The following ITPR2 variants were observed in gnomAD, a reference collection of about 807,000 sequenced individuals.
ITPR2 encodes the protein inositol 1,4,5-trisphosphate receptor type 2, also known as inositol 1,4,5-trisphosphate-gated calcium channel ITPR2.
Under a neutral mutation model 317.1 loss-of-function variants are expected in ITPR2, and 207 were observed. The ratio of observed to expected loss-of-function variants is 0.65; its 90% CI spans 0.58 to 0.73. The LOEUF is 0.73. ITPR2 is among the 30% of genes least tolerant of loss of function. The pLI is 0.00. For synonymous variants in ITPR2, 1,156 were observed against 1,149.1 expected, an observed-to-expected ratio of 1.01 and a Z score of -0.12; for missense variants, 2,613 against 3,284.0, an observed-to-expected ratio of 0.80 and a Z score of 4.99.
At chr12:26,353,112 A>G (rs929655624) in intron 55 of ITPR2, among the ~76,000 whole-genome samples, 6 of 152,210 alleles carry the variant, frequency 3.9e-5, no homozygotes, top group African/African-American at 7.2e-5. Context: ...GAACCAGGAC[A>G]ATGAAGGTCT....
At chr12:26,764,976 C>T (rs967344528) in intron 2 of ITPR2, among the ~76,000 whole-genome samples, 4 of 152,062 alleles carry the variant, frequency 2.6e-5, no homozygotes, top group African/African-American at 7.2e-5. Flanking sequence ...TTTTTACCCA[C>T]ATTTGGGCTA....
intron 1 of ITPR2, among the ~76,000 whole-genome samples, chr12:26,826,805 G>A (rs1221326293): frequency 6.6e-6 from 1 of 152,052 alleles, no homozygotes; most frequent in East Asian, 1.9e-4. Context: ...CAACCATGCC[G>A]AGAACAGCCA....
Position 26,602,363 on chromosome 12 carries a change from G to A in ITPR2, c.3678+7C>T, listed in dbSNP as rs751204130. 20 of 1,608,728 alleles carry A rather than the reference G, an allele frequency of 1.2e-5. No individual in the cohort carries two copies. In the East Asian group the frequency reaches 4.2e-4, roughly 34 times the overall value. On this transcript the variant is annotated splice_region_variant and intron_variant, in intron 28 of 56. Coordinates refer to ENST00000381340, the MANE Select transcript of ITPR2 (RefSeq NM_002223.4). ...AAGCTAAAGAACAAAAAATAACCAG[G>A]ACTAACCTTTTCATAGGGTATCTGC...
chr12:26,684,393 A>C (rs1211847785), intron 11 of ITPR2, among the ~76,000 whole-genome samples: 1 of 152,216 alleles, frequency 6.6e-6, no homozygotes, highest in Non-Finnish European at 1.5e-5. Context: ...AGGTGTCAAC[A>C]ATACCCAGGT....
chr12:26,590,128 G>A (rs1299889965), intron 32 of ITPR2, among the ~76,000 whole-genome samples: 1 of 151,996 alleles, frequency 6.6e-6, no homozygotes, highest in Non-Finnish European at 1.5e-5. Context: ...TTGGGGAAAA[G>A]CACTGAATGA....
chr12:26,767,132 A>G (rs1420057527), intron 2 of ITPR2, among the ~76,000 whole-genome samples: 1 of 151,960 alleles, frequency 6.6e-6, no homozygotes, highest in African/African-American at 2.4e-5. Flanking sequence ...GCTTTCCTTG[A>G]TGGCCCTGCA....
At chr12:26,559,352 G>T (rs1029217883) in intron 35 of ITPR2, among the ~76,000 whole-genome samples, 8 of 152,210 alleles carry the variant, frequency 5.3e-5, no homozygotes, top group African/African-American at 1.9e-4. Flanking sequence ...ATGAACAACA[G>T]AAATTATTTC....
At chr12:26,502,733 G>A (rs1309021726) in intron 37 of ITPR2, among the ~76,000 whole-genome samples, 3 of 152,188 alleles carry the variant, frequency 2.0e-5, no homozygotes, top group Non-Finnish European at 4.4e-5. Context: ...CAAGAGGAAA[G>A]AGCAGGAGAT....
At chr12:26,722,706 T>C (rs2137045274) in intron 4 of ITPR2, 151 bp from the exon 5 acceptor site, 3 of 527,732 alleles carry the variant, frequency 5.7e-6, no homozygotes. Context: ...ACACTCACCA[T>C]CTTTCCTACT....
chr12:26,508,484 G>T (rs978678641), intron 37 of ITPR2, among the ~76,000 whole-genome samples: 2 of 152,012 alleles, frequency 1.3e-5, no homozygotes, highest in Non-Finnish European at 2.9e-5. Context: ...ATTCACTACT[G>T]TAAATTTTGA....
intron 22 of ITPR2, among the ~76,000 whole-genome samples, chr12:26,630,033 T>TCTC (rs1946713075): frequency 6.6e-6 from 1 of 152,000 alleles, no homozygotes; most frequent in Non-Finnish European, 1.5e-5. Context: ...AGCAAAGGGA[T>TCTC]TTGCAGGGCA....
chr12:26,602,473 A>G lies in ITPR2; in HGVS notation c.3575T>C (p.Leu1192Pro), dbSNP rs1205080836. 1 of 1,613,206 alleles carries G rather than the reference A, an allele frequency of 6.2e-7. No homozygotes were observed. The highest frequency in any genetic ancestry group is 8.5e-7 in the Non-Finnish European group (1 of 1,179,528). The change falls in exon 28 of 57, where the codon CTC becomes CCC. Residue 1192 changes from leucine (L) to proline (P), a missense_variant. Physicochemically the swap from Leu to Pro is moderately conservative, Grantham distance 98. Coordinates refer to ENST00000381340, the MANE Select transcript of ITPR2 (RefSeq NM_002223.4). Reference sequence around the variant, plus strand: ...CCGACACTTTTTATTCTGCACACAGAGTTTACTTAGCCTGATCAAAATCTT... The same window carrying G: ...CCGACACTTTTTATTCTGCACACAGGGTTTACTTAGCCTGATCAAAATCTT... ...VKEILIRLSK[L>P]CVQNKKCRNQ...
At chr12:26,482,684 C>A (rs980563547) in intron 42 of ITPR2, among the ~76,000 whole-genome samples, 1 of 152,130 alleles carries the variant, frequency 6.6e-6, no homozygotes, top group Non-Finnish European at 1.5e-5. Context: ...AGGGAAAATA[C>A]CCCCATAACA....
At chr12:26,355,601 G>A (rs1938613599) in intron 55 of ITPR2, among the ~76,000 whole-genome samples, 2 of 152,276 alleles carry the variant, frequency 1.3e-5, no homozygotes, top group African/African-American at 2.4e-5. Context: ...TGTGAGAGTG[G>A]TCCGTACTGG....
At chr12:26,379,707 C>T (rs1487666015) in intron 55 of ITPR2, among the ~76,000 whole-genome samples, 1 of 152,148 alleles carries the variant, frequency 6.6e-6, no homozygotes, top group Non-Finnish European at 1.5e-5. Context: ...AGCCAGAGGC[C>T]TCCAGAGTCC....
At chr12:26,523,708 A>G (rs2136944538) in intron 37 of ITPR2, among the ~76,000 whole-genome samples, 1 of 152,300 alleles carries the variant, frequency 6.6e-6, no homozygotes, top group East Asian at 1.9e-4. Flanking sequence ...TACAAAGGCA[A>G]TTTATCAATT....
intron 48 of ITPR2, among the ~76,000 whole-genome samples, chr12:26,428,562 A>G (rs1228214594): frequency 1.3e-5 from 2 of 152,200 alleles, no homozygotes; most frequent in Non-Finnish European, 2.9e-5. Flanking sequence ...TTTATAAAAT[A>G]GACACATGCT....
chr12:26,543,385 GAC>G (rs1278643287), intron 37 of ITPR2, among the ~76,000 whole-genome samples: 15 of 152,210 alleles, frequency 9.9e-5, no homozygotes, highest in African/African-American at 3.4e-4. Context: ...GTGTGACAGA[GAC>G]AGGGGAAGAG....
chr12:26,619,315 T>C (rs763860820), intron 26 of ITPR2, among the ~76,000 whole-genome samples: 6 of 152,238 alleles, frequency 3.9e-5, no homozygotes, highest in Non-Finnish European at 7.3e-5. Context: ...AATGCTAATG[T>C]TGAAAAACAC....
Sources: gnomAD v4.1 joint callset for allele counts (sites outside exome capture counted in the v4.1 genomes callset) on GRCh38, gnomAD v4.1.1 for gene constraint, MANE v1.5 for transcripts, NCBI Gene and HGNC (gene_info 2026-07-23, HGNC 2026-07-21) for gene names.